The following IGF1R variants were observed in gnomAD, a reference collection of about 807,000 sequenced individuals.
IGF1R encodes the protein insulin like growth factor 1 receptor.
Under a neutral mutation model 144.6 loss-of-function variants are expected in IGF1R, and 44 were observed. The observed-to-expected ratio is 0.30, with a 90% CI of 0.24 to 0.39. IGF1R has a LOEUF of 0.39. IGF1R is among the 10% of genes least tolerant of loss of function. IGF1R has a pLI of 1.00. For missense variants in IGF1R, 1,355 were observed against 1,833.7 expected (o/e 0.74, Z 4.77); for synonymous variants, 795 against 722.8 (o/e 1.10, Z -1.60).
At position 98,964,384 on chromosome 15, in the gene IGF1R, C is replaced by T. The variant is rs535420513; in HGVS notation, c.*6942C>T. 34 of 229,648 alleles carry T rather than the reference C, an allele frequency of 1.5e-4. No homozygotes were observed. The highest frequency in any genetic ancestry group is 1.3e-3 in the Middle Eastern group (1 of 754). 14.2% of individuals were successfully genotyped at this position (229,648 alleles called of 1,614,324 possible). ...TTGTAAGAATTTATTCCTGTTATTG[C>T]GATATACTCTGGATTCTTTACATAA... On this transcript the variant is annotated 3_prime_UTR_variant, in exon 21 of 21. Transcript: ENST00000650285.
chr15:98,712,643 C>G (rs1350511777), intron 2 of IGF1R, among the ~76,000 whole-genome samples: 2 of 149,644 alleles, frequency 1.3e-5, no homozygotes, highest in African/African-American at 4.9e-5. Flanking sequence ...GAGTCTTACT[C>G]TGTCACCCAG....
chr15:98,766,211 C>T (rs972478154), intron 2 of IGF1R, among the ~76,000 whole-genome samples: 3 of 152,094 alleles, frequency 2.0e-5, no homozygotes, highest in South Asian at 2.1e-4. Context: ...CCCTAATTCA[C>T]GAATTCTAAA....
rs1225474247 is a variant in IGF1R, at chr15:98,961,042, A to C, written c.*3600A>C. ...GAAGTGTGGCGGGCAGCTTTGCCTA[A>C]GCGTGGATGGCTCCTCGGCAATTCC... is the stretch of plus-strand genomic sequence containing the variant. On this transcript the variant is annotated 3_prime_UTR_variant, in exon 21 of 21. Transcript: ENST00000650285. 4.3e-6 allele frequency: 1 copy of C among 233,522 alleles called. No individual in the cohort carries two copies. The highest frequency in any genetic ancestry group is 5.6e-5 in the Admixed American group (1 of 17,776). 14.5% of individuals were successfully genotyped at this position (233,522 alleles called of 1,614,324 possible).
chr15:98,699,858 C>T (rs970788098), intron 1 of IGF1R, among the ~76,000 whole-genome samples: 1 of 152,156 alleles, frequency 6.6e-6, no homozygotes, highest in African/African-American at 2.4e-5. Context: ...CACTCGGTTT[C>T]TAATTTCTGT....
chr15:98,963,524 G>C lies in IGF1R; in HGVS notation c.*6082G>C, dbSNP rs1244225706. 4.3e-6 allele frequency: 1 copy of C among 233,180 alleles called. No individual in the cohort carries two copies. Among genetic ancestry groups the C allele is most frequent in the Non-Finnish European group, 8.5e-6 (1 of 118,042 alleles). The allele number at this position is 233,180 out of a possible 1,614,324, so 14.4% of individuals were successfully genotyped here. On this transcript the variant is annotated 3_prime_UTR_variant, in exon 21 of 21. Coordinates refer to ENST00000650285, the MANE Select transcript of IGF1R (RefSeq NM_000875.5). ...AGCCGAGGTGTTGGAGCCCAGCAGT[G>C]CATGGCACCGTTCGGCATCTGGCTT...
chr15:98,745,680 T>C (rs1179524198), intron 2 of IGF1R, among the ~76,000 whole-genome samples: 3 of 152,348 alleles, frequency 2.0e-5, no homozygotes, highest in Admixed American at 6.5e-5. Context: ...GCTTTTCAAA[T>C]TCATCTTTGG....
Position 98,871,835 on chromosome 15 carries a change from G to A in IGF1R, c.641-19490G>A, listed in dbSNP as rs144264641. On this transcript the variant is annotated intron_variant, in intron 2 of 20. Coordinates refer to ENST00000650285, the MANE Select transcript of IGF1R (RefSeq NM_000875.5). ...TTATAGGAGCTACAAGATGAGATTT[G>A]GGTGGGGACACAGAGCCAAACCATA... Among the ~76,000 whole-genome samples, 752 of 152,310 alleles carry A rather than the reference G, an allele frequency of 4.9e-3. 3 individuals carry two copies. The highest frequency in any genetic ancestry group is 0.037 in the Middle Eastern group (11 of 294).
chr15:98,795,819 C>G (rs181944042), intron 2 of IGF1R, among the ~76,000 whole-genome samples: 18 of 152,352 alleles, frequency 1.2e-4, no homozygotes, highest in Admixed American at 5.9e-4. Flanking sequence ...ATGCATGCGA[C>G]TGGAACATGC....
At chr15:98,682,375 A>T (rs2053212798) in intron 1 of IGF1R, among the ~76,000 whole-genome samples, 1 of 152,164 alleles carries the variant, frequency 6.6e-6, no homozygotes, top group Non-Finnish European at 1.5e-5. Context: ...CACATTGAAG[A>T]AGCATATCTG....
chr15:98,867,295 G>A (rs2012508027), intron 2 of IGF1R, among the ~76,000 whole-genome samples: 1 of 151,944 alleles, frequency 6.6e-6, no homozygotes, highest in Non-Finnish European at 1.5e-5. Context: ...AAACAAATTG[G>A]GTTTGTTTAA....
chr15:98,861,515 C>T (rs1015287288), intron 2 of IGF1R, among the ~76,000 whole-genome samples: 1 of 152,172 alleles, frequency 6.6e-6, no homozygotes, highest in African/African-American at 2.4e-5. Flanking sequence ...ATTAGCTTTC[C>T]ACCCTCTACT....
intron 2 of IGF1R, among the ~76,000 whole-genome samples, chr15:98,856,765 G>A (rs2011842175): frequency 1.3e-5 from 2 of 152,152 alleles, no homozygotes; most frequent in South Asian, 2.1e-4. Flanking sequence ...TTTGTCCCAG[G>A]CAGGCACTGT....
chr15:98,876,815 A>ATGAT (rs1441831325), intron 2 of IGF1R, among the ~76,000 whole-genome samples: 1 of 152,230 alleles, frequency 6.6e-6, no homozygotes, highest in East Asian at 1.9e-4. Flanking sequence ...ACGAGAATGT[A>ATGAT]TGATTATCTG....
At chr15:98,763,537 C>T (rs770308967) in intron 2 of IGF1R, among the ~76,000 whole-genome samples, 12 of 152,064 alleles carry the variant, frequency 7.9e-5, no homozygotes, top group Non-Finnish European at 1.6e-4. Flanking sequence ...TTCACCTCCC[C>T]ACCCATCTCT....
intron 2 of IGF1R, among the ~76,000 whole-genome samples, chr15:98,785,553 C>G (rs567677123): frequency 5.3e-5 from 8 of 152,290 alleles, no homozygotes; most frequent in African/African-American, 1.9e-4. Context: ...CCCAGGGCCG[C>G]AGGCTTTAGC....
rs185876071 is a variant in IGF1R, at chr15:98,727,121, A to C, written c.640+19014A>C. Among the ~76,000 whole-genome samples, 109 of 152,338 alleles carry C rather than the reference A, an allele frequency of 7.2e-4. 1 individual carries two copies. Among genetic ancestry groups the C allele is most frequent in the African/African-American group, 2.5e-3 (104 of 41,582 alleles). On this transcript the variant is annotated intron_variant, in intron 2 of 20. Transcript: ENST00000650285. ...TAACTAAGGAGATTTCTTTCTTTTT[A>C]AAACCATTCTTTAATCTTGTAAAAA... is the stretch of plus-strand genomic sequence containing the variant.
intron 5 of IGF1R, among the ~76,000 whole-genome samples, chr15:98,899,832 T>G (rs961275730): frequency 6.6e-6 from 1 of 152,178 alleles, no homozygotes; most frequent in Non-Finnish European, 1.5e-5. Context: ...AGAGATGTTA[T>G]CACCCTTACT....
intron 2 of IGF1R, among the ~76,000 whole-genome samples, chr15:98,851,347 A>G (rs1338674826): frequency 6.6e-6 from 1 of 152,188 alleles, no homozygotes; most frequent in East Asian, 1.9e-4. Flanking sequence ...GCTTCCTGCA[A>G]GGAGCTTTTG....
intron 2 of IGF1R, among the ~76,000 whole-genome samples, chr15:98,780,952 AAAAAC>A (rs889689886): frequency 2.6e-5 from 4 of 152,190 alleles, no homozygotes; most frequent in South Asian, 2.1e-4. Context: ...TTGTCTCTTA[AAAAAC>A]AAAACAAAAC....
Sources: allele counts gnomAD v4.1 joint callset (sites outside exome capture counted in the v4.1 genomes callset), GRCh38; gene constraint gnomAD v4.1.1; transcripts MANE v1.5; gene names NCBI Gene and HGNC (gene_info 2026-07-23, HGNC 2026-07-21).